The following DGKB variants were observed in gnomAD, a reference collection of about 807,000 sequenced individuals.
DGKB encodes the protein diacylglycerol kinase beta.
DGKB carries 67 observed loss-of-function variants against 114.3 expected under a neutral mutation model. That is an observed-to-expected ratio of 0.59 (90% confidence interval 0.48 to 0.72). The LOEUF (loss-of-function observed/expected upper bound fraction) is 0.72, where lower values mean the gene tolerates loss of function less well. DGKB is among the 30% of genes least tolerant of loss of function. The pLI is 0.00. For synonymous variants in DGKB, 398 were observed against 323.1 expected (o/e 1.23, Z -2.49); for missense variants, 907 against 975.2 (o/e 0.93, Z 0.93).
chr7:14,797,813 TCTC>T (rs1841609842), intron 2 of DGKB, among the ~76,000 whole-genome samples: 2 of 152,174 alleles, frequency 1.3e-5, no homozygotes, highest in South Asian at 4.2e-4. Context: ...AGTGGCTCCT[TCTC>T]CTGTTTTTCA....
At chr7:14,398,793 T>TA (rs11458922) in intron 21 of DGKB, among the ~76,000 whole-genome samples, 124,822 of 147,576 alleles carry the variant, frequency 0.85, 53,066 homozygotes, top group Middle Eastern at 0.9. Flanking sequence ...GGTCTATGAC[T>TA]AAAAAAAAAA....
At chr7:14,578,085 T>C (rs935450791) in intron 19 of DGKB, among the ~76,000 whole-genome samples, 12 of 152,084 alleles carry the variant, frequency 7.9e-5, no homozygotes, top group African/African-American at 2.9e-4. Flanking sequence ...GCAGTTCTGG[T>C]GGTGGTGAGT....
intron 17 of DGKB, among the ~76,000 whole-genome samples, chr7:14,598,161 G>C (rs992367248): frequency 4.6e-5 from 7 of 152,094 alleles, no homozygotes; most frequent in Non-Finnish European, 7.4e-5. Context: ...TTTATTTAGA[G>C]TGCATGAATT....
At chr7:14,263,904 T>A (rs1797132850) in intron 23 of DGKB, among the ~76,000 whole-genome samples, 1 of 152,198 alleles carries the variant, frequency 6.6e-6, no homozygotes, top group Admixed American at 6.5e-5. Context: ...TAATGCTGAT[T>A]ATTTATTCTT....
At chr7:14,192,606 G>A (rs1323319954) in intron 23 of DGKB, among the ~76,000 whole-genome samples, 1 of 152,070 alleles carries the variant, frequency 6.6e-6, no homozygotes, top group Admixed American at 6.6e-5. Context: ...GGTCCTCAAT[G>A]TTTTTGGCAC....
chr7:14,493,438 A>C (rs534185701), intron 20 of DGKB, among the ~76,000 whole-genome samples: 1 of 152,258 alleles, frequency 6.6e-6, no homozygotes, highest in South Asian at 2.1e-4. Context: ...CATATACTGT[A>C]ATAAAAGTTA....
chr7:14,817,970 C>A (rs978639211), intron 2 of DGKB, among the ~76,000 whole-genome samples: 5 of 151,934 alleles, frequency 3.3e-5, no homozygotes, highest in Non-Finnish European at 7.4e-5. Flanking sequence ...CATGTATCTG[C>A]CAAGCCTAAT....
chr7:14,722,831 T>A (rs929553685), intron 5 of DGKB, among the ~76,000 whole-genome samples: 5 of 151,584 alleles, frequency 3.3e-5, no homozygotes, highest in African/African-American at 1.2e-4. Flanking sequence ...AATAAATAAA[T>A]AAAAATAAAA....
At chr7:14,936,567 A>T (rs1363871930) in intron 1 of DGKB, among the ~76,000 whole-genome samples, 1 of 152,124 alleles carries the variant, frequency 6.6e-6, no homozygotes, top group Non-Finnish European at 1.5e-5. Flanking sequence ...ATGATTTTTC[A>T]TGTCTTCAAA....
chr7:14,240,805 C>T (rs941123741), intron 23 of DGKB, among the ~76,000 whole-genome samples: 23 of 152,050 alleles, frequency 1.5e-4, no homozygotes, highest in African/African-American at 5.6e-4. Flanking sequence ...TAAATGGTTA[C>T]AGTTTAGGAG....
intron 2 of DGKB, among the ~76,000 whole-genome samples, chr7:14,802,958 A>T (rs962685450): frequency 2.3e-4 from 35 of 152,190 alleles, no homozygotes; most frequent in African/African-American, 7.5e-4. Context: ...AAAAATAATT[A>T]AAAAATATTA....
At chr7:14,470,733 T>C (rs1296307165) in intron 21 of DGKB, among the ~76,000 whole-genome samples, 1 of 151,764 alleles carries the variant, frequency 6.6e-6, no homozygotes, top group East Asian at 1.9e-4. Flanking sequence ...GAATATCTCA[T>C]GAAATTGATT....
chr7:14,385,516 T>C (rs1459823266), intron 21 of DGKB, among the ~76,000 whole-genome samples: 2 of 152,146 alleles, frequency 1.3e-5, no homozygotes, highest in Non-Finnish European at 2.9e-5. Context: ...GAGTGAAAAA[T>C]AAAAGAATTC....
At chr7:14,449,078 T>A (rs1831117005) in intron 21 of DGKB, among the ~76,000 whole-genome samples, 1 of 152,076 alleles carries the variant, frequency 6.6e-6, no homozygotes, top group Non-Finnish European at 1.5e-5. Context: ...ACCATGTCAT[T>A]TCTCAAAGAA....
chr7:14,552,718 C>T (rs1009851463), intron 20 of DGKB, among the ~76,000 whole-genome samples: 1 of 152,208 alleles, frequency 6.6e-6, no homozygotes, highest in Admixed American at 6.5e-5. Flanking sequence ...AGTAAGGAAT[C>T]TGTTTTCCTT....
At chr7:14,366,951 A>G (rs186910737) in intron 21 of DGKB, among the ~76,000 whole-genome samples, 2 of 152,238 alleles carry the variant, frequency 1.3e-5, no homozygotes, top group African/African-American at 2.4e-5. Flanking sequence ...ATGGTCTCCA[A>G]TTTACATGGC....
chr7:14,622,400 C>T (rs998190189), intron 14 of DGKB, among the ~76,000 whole-genome samples: 6 of 152,094 alleles, frequency 3.9e-5, no homozygotes, highest in African/African-American at 1.4e-4. Context: ...TAACTTCATT[C>T]ATTCCCACAA....
chr7:14,295,736 C>T (rs1173566861), intron 23 of DGKB, among the ~76,000 whole-genome samples: 2 of 152,024 alleles, frequency 1.3e-5, no homozygotes, highest in Admixed American at 1.3e-4. Context: ...TCTAAGTTCT[C>T]GGATACATGT....
chr7:14,319,994 A>T (rs1807427840), intron 23 of DGKB, among the ~76,000 whole-genome samples: 1 of 152,184 alleles, frequency 6.6e-6, no homozygotes, highest in Non-Finnish European at 1.5e-5. Flanking sequence ...AGCTCTGCTC[A>T]TTGGGAATTT....
Sources: allele counts gnomAD v4.1 joint callset (sites outside exome capture counted in the v4.1 genomes callset), GRCh38; gene constraint gnomAD v4.1.1; transcripts MANE v1.5; gene names NCBI Gene and HGNC (gene_info 2026-07-23, HGNC 2026-07-21).